The following SYK variants were observed in gnomAD, a reference collection of about 807,000 sequenced individuals.
The protein encoded by SYK is spleen associated tyrosine kinase, also known as tyrosine-protein kinase SYK.
In SYK, 16 loss-of-function variants were observed where a neutral mutation model predicts 77.8. That is an observed-to-expected ratio of 0.21 (90% CI 0.14 to 0.31). The LOEUF (loss-of-function observed/expected upper bound fraction) is 0.31, where lower values mean the gene tolerates loss of function less well. SYK is among the 10% of genes least tolerant of loss of function. SYK has a pLI of 1.00. For synonymous variants in SYK, 312 were observed against 308.7 expected (o/e 1.01, Z -0.11); for missense variants, 529 against 814.4 (o/e 0.65, Z 4.26).
rs200786369 is a variant in SYK, at chr9:90,895,800, C to T, written c.*200C>T. The T allele has an allele frequency of 3.7e-6, 2 of 538,796 alleles. No individual in the cohort carries two copies. The highest frequency in any genetic ancestry group is 6.3e-5 in the Admixed American group (2 of 31,692). The allele number at this position is 538,796 out of a possible 1,614,324, so 33.4% of individuals were successfully genotyped here. On this transcript the variant is annotated 3_prime_UTR_variant, in exon 14 of 14. Coordinates refer to ENST00000375754, the MANE Select transcript of SYK (RefSeq NM_003177.7). This position sits in a 1 kb window ranked among gnomAD's most constrained non-coding sequence, Gnocchi z 4.4. ...GCAAAGGCAGTCCCGGGAGAAAAGA[C>T]GGATGGCAGGATCCAAGGGGCTAGC...
intron 9 of SYK, among the ~76,000 whole-genome samples, 189 bp from the exon 10 acceptor site, chr9:90,877,382 G>C (rs558952162): frequency 2.1e-4 from 32 of 152,300 alleles, no homozygotes; most frequent in African/African-American, 7.2e-4. Flanking sequence ...TACTCTCATT[G>C]TCTATAAAAT....
At chr9:90,805,856 A>T (rs1824812849) in intron 1 of SYK, among the ~76,000 whole-genome samples, 1 of 152,150 alleles carries the variant, frequency 6.6e-6, no homozygotes, top group Non-Finnish European at 1.5e-5. Context: ...TAGAATTCTC[A>T]CTATTTCCTT....
At chr9:90,863,626 G>A (rs892995586) in intron 4 of SYK, among the ~76,000 whole-genome samples, 1 of 152,080 alleles carries the variant, frequency 6.6e-6, no homozygotes, top group Non-Finnish European at 1.5e-5. Flanking sequence ...TTAACCACAG[G>A]CTTCTTTCTT....
intron 7 of SYK, among the ~76,000 whole-genome samples, chr9:90,871,926 A>T (rs1353478992): frequency 6.6e-6 from 1 of 152,210 alleles, no homozygotes; most frequent in Admixed American, 6.5e-5. Context: ...CTAATTTCCG[A>T]GGAAGATCTC....
intron 1 of SYK, among the ~76,000 whole-genome samples, chr9:90,833,844 C>A (rs758821982): frequency 2.0e-5 from 3 of 152,204 alleles, no homozygotes; most frequent in Non-Finnish European, 4.4e-5. Flanking sequence ...AAGATTGAAA[C>A]ATGCCAGTAA....
chr9:90,886,920 GTA>G (rs376638224), intron 11 of SYK, among the ~76,000 whole-genome samples: 3 of 150,848 alleles, frequency 2.0e-5, no homozygotes, highest in Admixed American at 6.6e-5. Context: ...AATGTGGTGT[GTA>G]TATATATATA....
rs141257081 is a variant in SYK, at chr9:90,810,199, G to A, written c.-42+8306G>A. ...GCCCAATGTGTCGCCTCCCAACTCTGAGCCAAAGAGACTGAGGTCAGGATG... is the reference window on the plus strand; with the variant it reads ...GCCCAATGTGTCGCCTCCCAACTCTAAGCCAAAGAGACTGAGGTCAGGATG... On this transcript the variant is annotated intron_variant, in intron 1 of 13. Transcript: ENST00000375754. 4.4e-3 allele frequency among the ~76,000 whole-genome samples: 664 copies of A among 152,206 alleles called. 5 individuals are homozygous for A. Among genetic ancestry groups the A allele is most frequent in the African/African-American group, 0.015 (627 of 41,514 alleles).
intron 5 of SYK, 109 bp downstream of exon 5, chr9:90,864,776 C>G: frequency 1.1e-6 from 1 of 931,836 alleles, no homozygotes; most frequent in South Asian, 1.4e-5. Flanking sequence ...CTTCTTTTTA[C>G]GGGTTGATTA....
At chr9:90,845,156 G>A (rs1253295930) in intron 2 of SYK, among the ~76,000 whole-genome samples, 1 of 152,086 alleles carries the variant, frequency 6.6e-6, no homozygotes, top group African/African-American at 2.4e-5. Context: ...GGCTGGTCTC[G>A]AACTCCTGAC....
intron 11 of SYK, among the ~76,000 whole-genome samples, chr9:90,880,000 GCACCAATCC>G (rs1365398863): frequency 6.6e-6 from 1 of 152,190 alleles, no homozygotes; most frequent in Admixed American, 6.5e-5. Context: ...AAACGTGATG[GCACCAATCC>G]CACTGAGTCA....
rs542957446 is a variant in SYK at position 90,895,393 on chromosome 9, C to T, written c.1836-135C>T. ...CCTGGGGTGGGGGGCACAGGGACCA[C>T]GCTGTGAGCTGCAGGCCCTAGAGTT... On this transcript the variant is annotated intron_variant, in intron 13 of 13. Transcript: ENST00000375754. This position sits in a 1 kb window ranked among gnomAD's most constrained non-coding sequence, Gnocchi z 4.4. 1.2e-5 allele frequency: 10 copies of T among 850,780 alleles called. No individual in the cohort carries two copies. In the Admixed American group the frequency reaches 1.2e-4, roughly 10 times the overall value. The allele number at this position is 850,780 out of a possible 1,614,324, so 52.7% of individuals were successfully genotyped here.
chr9:90,872,071 A>G (rs1827750135), intron 7 of SYK, among the ~76,000 whole-genome samples: 1 of 152,090 alleles, frequency 6.6e-6, no homozygotes, highest in South Asian at 2.1e-4. Flanking sequence ...CATTCCTGAC[A>G]CCCTAGTATC....
chr9:90,892,614 G>A (rs1377652780), intron 13 of SYK, among the ~76,000 whole-genome samples: 1 of 152,228 alleles, frequency 6.6e-6, no homozygotes, highest in Non-Finnish European at 1.5e-5. Context: ...TGAAAGCCAG[G>A]AAGGAAACAC....
intron 3 of SYK, among the ~76,000 whole-genome samples, chr9:90,858,665 A>C (rs1028620027): frequency 3.9e-5 from 6 of 152,232 alleles, no homozygotes; most frequent in Non-Finnish European, 7.3e-5. Context: ...TTTGTCTCCT[A>C]TGTTTAATTA....
intron 1 of SYK, among the ~76,000 whole-genome samples, chr9:90,818,255 T>C (rs74494338): frequency 6.6e-6 from 1 of 152,304 alleles, no homozygotes; most frequent in East Asian, 1.9e-4. Context: ...CAATCTGATA[T>C]TTTGATGTTT....
At chr9:90,859,634 G>T (rs1272129079) in intron 3 of SYK, among the ~76,000 whole-genome samples, 1 of 152,198 alleles carries the variant, frequency 6.6e-6, no homozygotes, top group South Asian at 2.1e-4. Context: ...CGAGGTCTGT[G>T]AATGAATAAG....
In SYK at chr9:90,844,147, C is replaced by A. The variant is rs1394064412; in HGVS notation, c.249C>A (p.Ala83=). The change falls in exon 2 of 14, where the codon GCC becomes GCA. Residue 83 remains alanine (A), a synonymous_variant. Coordinates refer to ENST00000375754, the MANE Select transcript of SYK (RefSeq NM_003177.7). ...CCATCGCCGGTGGCAGGACCCATGC[C>A]AGCCCCGCCGACCTCTGCCACTACC... ...TYAIAGGRTH[A]SPADLCHYHS... is the part of the protein sequence containing the mutation. 1 of 1,614,128 alleles carries A rather than the reference C, an allele frequency of 6.2e-7. No individual in the cohort carries two copies. Among genetic ancestry groups the A allele is most frequent in the South Asian group, 1.1e-5 (1 of 91,082 alleles).
rs1412415859 is a variant in SYK at position 90,865,052 on chromosome 9, T to A, written c.801T>A (p.Asn267Lys). ...VPCQKIGTQG[N>K]VNFGGRPQLP... is the part of the protein sequence containing the mutation. ...GTCCATGCTCTCTCTAACCAGGAAA[T>A]GTTAATTTTGGAGGCCGTCCACAAC... is the stretch of plus-strand genomic sequence containing the variant. The change falls in exon 6 of 14, where the codon AAT (asparagine) becomes AAA (lysine). Residue 267 changes from asparagine to lysine, a missense_variant. By Grantham distance (94) the Asn-to-Lys change is moderately conservative. Transcript: ENST00000375754. The A allele has an allele frequency of 1.2e-6, 2 of 1,614,160 alleles. No homozygotes were observed. Among genetic ancestry groups the A allele is most frequent in the Non-Finnish European group, 1.7e-6 (2 of 1,180,008 alleles).
intron 1 of SYK, among the ~76,000 whole-genome samples, chr9:90,811,886 A>C (rs149349736): frequency 6.6e-6 from 1 of 150,522 alleles, no homozygotes; most frequent in East Asian, 2.0e-4. Context: ...AGATCATGCC[A>C]CTGCACACCA....
Sources: gnomAD v4.1 joint callset for allele counts (sites outside exome capture counted in the v4.1 genomes callset) on GRCh38, gnomAD v4.1.1 for gene constraint, Gnocchi (gnomAD v3.1) non-coding constraint, MANE v1.5 for transcripts, NCBI Gene and HGNC (gene_info 2026-07-23, HGNC 2026-07-21) for gene names.